Variants in JAKMIP1 observed in about 807,000 individuals in gnomAD.
The protein encoded by JAKMIP1 is janus kinase and microtubule-interacting protein 1.
Under a neutral mutation model 113.0 loss-of-function variants are expected in JAKMIP1, and 33 were observed. The ratio of observed to expected loss-of-function variants is 0.29; its 90% CI spans 0.22 to 0.39. The LOEUF is 0.39. JAKMIP1 is among the 10% of genes least tolerant of loss of function. The pLI is 1.00. For synonymous variants in JAKMIP1, 480 were observed against 459.9 expected (o/e 1.04, Z -0.56); for missense variants, 813 against 1,080.5 (o/e 0.75, Z 3.47).
chr4:6,182,410 G>GAAAAAAAAAAA (rs56678982), intron 1 of JAKMIP1, among the ~76,000 whole-genome samples: 1 of 120,330 alleles, frequency 8.3e-6, no homozygotes. Flanking sequence ...CCCTGTCTCA[G>GAAAAAAAAAAA]AAAAAAAAAA....
intron 1 of JAKMIP1, among the ~76,000 whole-genome samples, chr4:6,189,762 G>T (rs141583097): frequency 6.6e-6 from 1 of 152,208 alleles, no homozygotes; most frequent in Admixed American, 6.5e-5. Context: ...GCCCAGCCTG[G>T]GGATGGAGTT....
chr4:6,181,947 C>G lies in JAKMIP1; in HGVS notation c.-148+18306G>C, dbSNP rs751954536. Among the ~76,000 whole-genome samples the G allele has an allele frequency of 8.5e-5, 13 of 152,138 alleles. No individual in the cohort carries two copies. Among genetic ancestry groups the G allele is most frequent in the Non-Finnish European group, 5.9e-5 (4 of 68,002 alleles). On this transcript the variant is annotated intron_variant, in intron 1 of 20. Transcript: ENST00000409021. This position sits in a 1 kb window ranked among gnomAD's most constrained non-coding sequence, Gnocchi z 5.4. The stretch of plus-strand genomic sequence containing the variant: ...GCCCAAGGAGATGAGCCTGTGCAGA[C>G]AGGAGGAGGAGGGGTCTGGGCAAGT...
At chr4:6,182,982 C>T (rs969497507) in intron 1 of JAKMIP1, among the ~76,000 whole-genome samples, 3 of 152,224 alleles carry the variant, frequency 2.0e-5, no homozygotes, top group African/African-American at 7.2e-5. Context: ...CCCAAGGCAG[C>T]CCTTCCTCCC....
chr4:6,105,740 C>A lies in JAKMIP1; in HGVS notation c.357G>T (p.Val119=). 6.2e-7 allele frequency: 1 copy of A among 1,602,114 alleles called. No homozygotes were observed. Among genetic ancestry groups the A allele is most frequent in the Non-Finnish European group, 8.5e-7 (1 of 1,177,724 alleles). The change falls in exon 3 of 21, where the codon GTG becomes GTT. Residue 119 remains valine, a synonymous_variant. Transcript: ENST00000409021. The part of the protein sequence containing the change: ...ELQRLQATLN[V]LRDGAADKVK... ...CCTTGTCGGCCGCGCCGTCGCGCAG[C>A]ACGTTCAGCGTGGCCTGCAGCCGCT... is the stretch of plus-strand genomic sequence containing the variant.
At chr4:6,091,362 T>TTC (rs1722040424) in intron 3 of JAKMIP1, among the ~76,000 whole-genome samples, 1 of 151,894 alleles carries the variant, frequency 6.6e-6, no homozygotes, top group African/African-American at 2.4e-5. Flanking sequence ...CAGAGTATTT[T>TTC]TTCCCCCATT....
At chr4:6,027,647 A>G (rs115855814) in intron 20 of JAKMIP1, among the ~76,000 whole-genome samples, 3,029 of 152,304 alleles carry the variant, frequency 0.02, 43 homozygotes, top group Non-Finnish European at 0.033. Context: ...CCTGCTCTGC[A>G]TGCCAGCTTC....
At chr4:6,056,374 G>A (rs1429343241) in intron 12 of JAKMIP1, among the ~76,000 whole-genome samples, 1 of 151,516 alleles carries the variant, frequency 6.6e-6, no homozygotes, top group African/African-American at 2.4e-5. Context: ...ATTTCTGCAG[G>A]GTATCCCCAG....
At position 6,129,239 on chromosome 4, in the gene JAKMIP1, C is replaced by T. The variant is rs957535068; in HGVS notation, c.-147-16242G>A. On this transcript the variant is annotated intron_variant, in intron 1 of 20. Transcript: ENST00000409021. The surrounding 1 kb of genome is among the most constrained non-coding windows in gnomAD (Gnocchi z 5.4). ...TTCCTGATTCCTTGATAAAAATAGT[C>T]CCCCCTTCTGCAGAATCAAGTACAA... 4.6e-5 allele frequency among the ~76,000 whole-genome samples: 7 copies of T among 152,174 alleles called. No homozygotes were observed. The highest frequency in any genetic ancestry group is 1.7e-4 in the African/African-American group (7 of 41,450).
intron 1 of JAKMIP1, among the ~76,000 whole-genome samples, chr4:6,130,877 C>T (rs1486019093): frequency 1.3e-5 from 2 of 151,564 alleles, no homozygotes; most frequent in Non-Finnish European, 2.9e-5. Flanking sequence ...ATAAAAAAAA[C>T]GAATATCCCA....
In JAKMIP1 at chr4:6,067,318, C is replaced by T. The variant is rs1718244634; in HGVS notation, c.1303-2310G>A. 6.6e-6 allele frequency among the ~76,000 whole-genome samples: 1 copy of T among 152,234 alleles called. No homozygotes were observed. Among genetic ancestry groups the T allele is most frequent in the South Asian group, 2.1e-4 (1 of 4,832 alleles). ...ATGACACCATTTCCATTCATTCACA[C>T]AGCTGGCATCAGTTGGGCACCATGT... On this transcript the variant is annotated intron_variant, in intron 8 of 20. Transcript: ENST00000409021. The surrounding 1 kb of genome is among the most constrained non-coding windows in gnomAD (Gnocchi z 4.6).
Position 6,049,589 on chromosome 4 carries a change from C to T in JAKMIP1, c.1962+230G>A, listed in dbSNP as rs188630385. Among the ~76,000 whole-genome samples, 112 of 152,128 alleles carry T rather than the reference C, an allele frequency of 7.4e-4. No homozygotes were observed. Among genetic ancestry groups the T allele is most frequent in the African/African-American group, 2.6e-3 (108 of 41,498 alleles). ...CTGGGTAGGGATTCTGAGGCTTTCCCGTCCCCTCCTCACTCAACAGGCCAG... is the reference window on the plus strand; with the variant it reads ...CTGGGTAGGGATTCTGAGGCTTTCCTGTCCCCTCCTCACTCAACAGGCCAG... On this transcript the variant is annotated intron_variant, in intron 15 of 20. Transcript: ENST00000409021. This position sits in a 1 kb window ranked among gnomAD's most constrained non-coding sequence, Gnocchi z 7.0.
rs909630398 is a variant in JAKMIP1, at chr4:6,178,403, T to C, written c.-148+21850A>G. Among the ~76,000 whole-genome samples, 2 of 152,236 alleles carry C rather than the reference T, an allele frequency of 1.3e-5. No homozygotes were observed. The highest frequency in any genetic ancestry group is 4.8e-5 in the African/African-American group (2 of 41,464). ...CATGGGGGCAGTTTACCCCATACTA[T>C]TCTCATGATAGTGAGTAAGCTCTAT... On this transcript the variant is annotated intron_variant, in intron 1 of 20. Coordinates refer to ENST00000409021, the MANE Select transcript of JAKMIP1 (RefSeq NM_001099433.2). The surrounding 1 kb of genome is among the most constrained non-coding windows in gnomAD (Gnocchi z 5.5).
rs1449206388 is a variant in JAKMIP1 at position 6,184,480 on chromosome 4, G to A, written c.-148+15773C>T. On this transcript the variant is annotated intron_variant, in intron 1 of 20. Transcript: ENST00000409021. This position sits in a 1 kb window ranked among gnomAD's most constrained non-coding sequence, Gnocchi z 4.5. ...AGAGGGCAAGGCAAGTGCAGTATAA[G>A]AGCCAGGGTGCCTTCCCTCTTCCTC... Among the ~76,000 whole-genome samples, 1 of 152,152 alleles carries A rather than the reference G, an allele frequency of 6.6e-6. No homozygotes were observed. The highest frequency in any genetic ancestry group is 2.4e-5 in the African/African-American group (1 of 41,426).
chr4:6,138,737 G>A lies in JAKMIP1; in HGVS notation c.-147-25740C>T, dbSNP rs531404218. Among the ~76,000 whole-genome samples the A allele has an allele frequency of 5.4e-4, 82 of 152,246 alleles. No individual in the cohort carries two copies. Among genetic ancestry groups the A allele is most frequent in the Non-Finnish European group, 8.2e-4 (56 of 68,032 alleles). On this transcript the variant is annotated intron_variant, in intron 1 of 20. Transcript: ENST00000409021. This position sits in a 1 kb window ranked among gnomAD's most constrained non-coding sequence, Gnocchi z 6.0. Reference sequence around the variant, plus strand: ...GCCAGCTCTGTCTCAGAATGGGTACGAATCTTGACTCTACCACTTGTTAGC... The same window carrying A: ...GCCAGCTCTGTCTCAGAATGGGTACAAATCTTGACTCTACCACTTGTTAGC...
At position 6,153,398 on chromosome 4, in the gene JAKMIP1, T is replaced by C. The variant is rs1721848962; in HGVS notation, c.-147-40401A>G. On this transcript the variant is annotated intron_variant, in intron 1 of 20. Coordinates refer to ENST00000409021, the MANE Select transcript of JAKMIP1 (RefSeq NM_001099433.2). The surrounding 1 kb of genome is among the most constrained non-coding windows in gnomAD (Gnocchi z 4.9). ...GAAGCCCCTTCTTCTCTCCACAGCC[T>C]TGTGACCCTGGCCCTCTCTAGGCTT... 6.6e-6 allele frequency among the ~76,000 whole-genome samples: 1 copy of C among 152,212 alleles called. No individual in the cohort carries two copies. Among genetic ancestry groups the C allele is most frequent in the Non-Finnish European group, 1.5e-5 (1 of 68,034 alleles).
Position 6,060,353 on chromosome 4 carries a change from G to T in JAKMIP1, c.1644+71C>A, listed in dbSNP as rs1392833359. The T allele has an allele frequency of 3.4e-6, 4 of 1,181,608 alleles. No individual in the cohort carries two copies. The African/African-American group carries it at 4.5e-5, about 13-fold the overall frequency. The allele number at this position is 1,181,608 out of a possible 1,614,324, so 73.2% of individuals were successfully genotyped here. A position where few individuals can be genotyped will look rare whatever the true frequency, so the allele number is the denominator to read the frequency against. On this transcript the variant is annotated intron_variant, in intron 11 of 20. Transcript: ENST00000409021. ...ACAGAATGTCCCCCTTGGCACAAGG[G>T]CGAGCCCCAGGGATACCACCAAGGG...
At chr4:6,043,096 G>T (rs1714549876) in intron 16 of JAKMIP1, among the ~76,000 whole-genome samples, 1 of 152,006 alleles carries the variant, frequency 6.6e-6, no homozygotes, top group Non-Finnish European at 1.5e-5. Flanking sequence ...GGAGATCAGG[G>T]CACCTAGGGG....
intron 3 of JAKMIP1, among the ~76,000 whole-genome samples, chr4:6,096,151 C>T (rs1184450724): frequency 6.6e-6 from 1 of 152,192 alleles, no homozygotes; most frequent in African/African-American, 2.4e-5. Flanking sequence ...AACAACCTGC[C>T]AAAGGCACCT....
At chr4:6,063,590 G>A (rs922449218) in intron 9 of JAKMIP1, among the ~76,000 whole-genome samples, 23 of 152,162 alleles carry the variant, frequency 1.5e-4, no homozygotes, top group African/African-American at 5.1e-4. Flanking sequence ...GGATGTCCAG[G>A]GGACGACCTG....
Sources: allele counts gnomAD v4.1 joint callset (sites outside exome capture counted in the v4.1 genomes callset), GRCh38; gene constraint gnomAD v4.1.1; non-coding constraint Gnocchi (gnomAD v3.1); transcripts MANE v1.5; gene names NCBI Gene and HGNC (gene_info 2026-07-23, HGNC 2026-07-21).